FSTL4: variants seen among roughly 807,000 people sequenced by gnomAD.
FSTL4 encodes follistatin-related protein 4.
In FSTL4, 28 loss-of-function variants were observed where a neutral mutation model predicts 78.2. That is an observed-to-expected ratio of 0.36 (90% confidence interval 0.27 to 0.49). The LOEUF (loss-of-function observed/expected upper bound fraction) is 0.49. Among genes scored for constraint, FSTL4 ranks in the 20% least tolerant of loss-of-function variants. FSTL4 has a pLI of 0.98. For synonymous variants in FSTL4, 422 were observed against 440.5 expected (o/e 0.96, Z 0.53); for missense variants, 922 against 1,084.9 (o/e 0.85, Z 2.11).
intron 3 of FSTL4, among the ~76,000 whole-genome samples, chr5:133,555,839 G>T (rs576452664): frequency 6.6e-6 from 1 of 152,220 alleles, no homozygotes; most frequent in Non-Finnish European, 1.5e-5. Context: ...TTCAAATGAA[G>T]CAGCCAAGCA....
chr5:133,685,357 C>A, the FSTL4 span, among the ~76,000 whole-genome samples: 1 of 152,168 alleles, frequency 6.6e-6, no homozygotes, highest in East Asian at 1.9e-4. Context: ...CATTGAGGCA[C>A]GGTCCTTGGC....
At chr5:133,455,971 G>A (rs943196393) in intron 3 of FSTL4, among the ~76,000 whole-genome samples, 2 of 152,194 alleles carry the variant, frequency 1.3e-5, no homozygotes, top group South Asian at 2.1e-4. Context: ...GACAGTCGCC[G>A]AATACTTCTA....
At chr5:133,213,286 A>AGCCACCGT (rs941835050) in intron 13 of FSTL4, among the ~76,000 whole-genome samples, 4 of 151,912 alleles carry the variant, frequency 2.6e-5, no homozygotes. Flanking sequence ...TACAGGCATG[A>AGCCACCGT]GCCACCGTGC....
chr5:133,248,775 A>ACACAGCACCACTTAACTCAT (rs1752122969), intron 7 of FSTL4: 1 of 152,662 alleles, frequency 6.6e-6, no homozygotes, highest in Non-Finnish European at 1.5e-5. Flanking sequence ...TTCTTCTTCC[A>ACACAGCACCACTTAACTCAT]CACAGCACCA....
the FSTL4 span, among the ~76,000 whole-genome samples, chr5:133,762,660 T>C: frequency 1.3e-5 from 2 of 152,220 alleles, no homozygotes; most frequent in African/African-American, 2.4e-5. Flanking sequence ...GTTAATTTTA[T>C]CTTCAGAGCA....
At chr5:133,643,887 G>A in the FSTL4 span, among the ~76,000 whole-genome samples, 5 of 152,196 alleles carry the variant, frequency 3.3e-5, no homozygotes, top group Admixed American at 1.3e-4. Context: ...GCAGCAATTC[G>A]GGAGAGGATG....
At chr5:133,760,859 CAGA>C in the FSTL4 span, among the ~76,000 whole-genome samples, 6 of 152,172 alleles carry the variant, frequency 3.9e-5, no homozygotes, top group Non-Finnish European at 1.5e-5. Context: ...GTTAGCAAAC[CAGA>C]AGAAGGTGAG....
chr5:133,376,512 A>G (rs190423240), intron 4 of FSTL4, among the ~76,000 whole-genome samples: 2 of 152,356 alleles, frequency 1.3e-5, no homozygotes, highest in Admixed American at 1.3e-4. Context: ...AGAGAAATAA[A>G]TATAAATGGT....
At chr5:133,822,629 G>A in the FSTL4 span, among the ~76,000 whole-genome samples, 1 of 152,118 alleles carries the variant, frequency 6.6e-6, no homozygotes, top group Non-Finnish European at 1.5e-5. Context: ...CTAAGGATGT[G>A]AACATTCCGG....
chr5:133,220,175 G>T (rs1401027655), intron 12 of FSTL4, among the ~76,000 whole-genome samples: 3 of 152,254 alleles, frequency 2.0e-5, no homozygotes, highest in Non-Finnish European at 4.4e-5. Flanking sequence ...GGCATATGGG[G>T]CATTGACATG....
intron 3 of FSTL4, among the ~76,000 whole-genome samples, chr5:133,501,275 A>T (rs974366583): frequency 2.0e-5 from 3 of 152,202 alleles, no homozygotes; most frequent in Non-Finnish European, 2.9e-5. Context: ...TTAAGAAAAA[A>T]AAAAAATAAA....
chr5:133,731,666 G>A, the FSTL4 span, among the ~76,000 whole-genome samples: 1 of 152,146 alleles, frequency 6.6e-6, no homozygotes, highest in East Asian at 1.9e-4. Flanking sequence ...GCCCTTGAAA[G>A]TAGCAATAAA....
chr5:133,576,662 G>T (rs1040799759), intron 2 of FSTL4, among the ~76,000 whole-genome samples: 4 of 152,152 alleles, frequency 2.6e-5, no homozygotes, highest in Non-Finnish European at 4.4e-5. Flanking sequence ...CAGCAGAGGG[G>T]CTGAGGAAGC....
chr5:133,664,413 T>C, the FSTL4 span, among the ~76,000 whole-genome samples: 1 of 152,290 alleles, frequency 6.6e-6, no homozygotes, highest in East Asian at 1.9e-4. Context: ...AGAAGATCTA[T>C]AGGCCTCTTG....
the FSTL4 span, among the ~76,000 whole-genome samples, chr5:133,718,489 A>G: frequency 2.6e-5 from 4 of 152,214 alleles, no homozygotes; most frequent in African/African-American, 9.6e-5. Context: ...AATTTATTGT[A>G]TAATGTCTGA....
chr5:133,311,993 G>A (rs1203966604), intron 6 of FSTL4, among the ~76,000 whole-genome samples: 2 of 152,244 alleles, frequency 1.3e-5, no homozygotes, highest in South Asian at 4.1e-4. Flanking sequence ...TGTAAGTCCT[G>A]TCCCAGCACC....
chr5:133,227,234 G>A (rs1203556103), intron 8 of FSTL4, among the ~76,000 whole-genome samples: 5 of 152,202 alleles, frequency 3.3e-5, no homozygotes, highest in Non-Finnish European at 5.9e-5. Flanking sequence ...TTTGTTTGAA[G>A]CCCTGGGGGA....
the FSTL4 span, among the ~76,000 whole-genome samples, chr5:133,738,174 ACT>A: frequency 3.3e-5 from 5 of 151,678 alleles, no homozygotes; most frequent in African/African-American, 1.2e-4. Flanking sequence ...TCCCAACATC[ACT>A]CTCTCTGTCC....
At chr5:133,822,006 C>A in the FSTL4 span, among the ~76,000 whole-genome samples, 1 of 152,192 alleles carries the variant, frequency 6.6e-6, no homozygotes, top group African/African-American at 2.4e-5. Context: ...GCATATTTCT[C>A]AATCAAACCT....
Sources: gnomAD v4.1 joint callset for allele counts (sites outside exome capture counted in the v4.1 genomes callset) on GRCh38, gnomAD v4.1.1 for gene constraint, MANE v1.5 for transcripts, NCBI Gene and HGNC (gene_info 2026-07-23, HGNC 2026-07-21) for gene names.